The following METTL15 variants were observed in gnomAD, a reference collection of about 807,000 sequenced individuals.
METTL15 encodes the protein methyltransferase 15, mitochondrial 12S rRNA N4-cytidine.
Under a neutral mutation model 38.3 loss-of-function variants are expected in METTL15, and 34 were observed. The ratio of observed to expected loss-of-function variants is 0.89; its 90% CI spans 0.68 to 1.18. The LOEUF is 1.18. Among genes scored for constraint, METTL15 ranks in the 50% most tolerant of loss-of-function variants. METTL15 has a pLI of 0.00. For missense variants in METTL15, 438 were observed against 498.4 expected (o/e 0.88, Z 1.15); for synonymous variants, 162 against 170.9 (o/e 0.95, Z 0.41).
chr11:28,263,888 G>A (rs982559785), intron 4 of METTL15, among the ~76,000 whole-genome samples: 5 of 151,904 alleles, frequency 3.3e-5, no homozygotes, highest in South Asian at 2.1e-4. Flanking sequence ...TGCTATGAAC[G>A]TAACTTATTA....
chr11:28,263,595 A>G (rs765696595), intron 4 of METTL15, among the ~76,000 whole-genome samples: 5 of 152,044 alleles, frequency 3.3e-5, no homozygotes, highest in Non-Finnish European at 7.4e-5. Flanking sequence ...TCCATTAGAA[A>G]GATGTTTTTC....
chr11:28,471,871 A>C (rs1201016431), intron 6 of METTL15, among the ~76,000 whole-genome samples: 2 of 152,150 alleles, frequency 1.3e-5, no homozygotes, highest in Non-Finnish European at 2.9e-5. Flanking sequence ...CAGAGCAGAC[A>C]TCATTCTCTG....
At chr11:28,440,217 T>C (rs1004232784) in intron 6 of METTL15, among the ~76,000 whole-genome samples, 1 of 152,146 alleles carries the variant, frequency 6.6e-6, no homozygotes, top group African/African-American at 2.4e-5. Context: ...TTACTAGATA[T>C]AGAGGGAACT....
chr11:28,363,200 G>A (rs1850155554), intron 5 of METTL15, among the ~76,000 whole-genome samples: 1 of 151,672 alleles, frequency 6.6e-6, no homozygotes, highest in Admixed American at 6.6e-5. Context: ...TTGAGACAGA[G>A]CCTCACCCTA....
At chr11:28,430,617 C>T (rs1850913786) in intron 6 of METTL15, among the ~76,000 whole-genome samples, 1 of 55,546 alleles carries the variant, frequency 1.8e-5, no homozygotes, top group African/African-American at 7.0e-5. Context: ...AGCCCTCCGC[C>T]CGGCCAGCCA....
intron 6 of METTL15, among the ~76,000 whole-genome samples, chr11:28,499,766 A>T (rs1420407072): frequency 6.6e-6 from 1 of 152,080 alleles, no homozygotes; most frequent in Non-Finnish European, 1.5e-5. Context: ...AAGTACAGGG[A>T]CTCTCAAAAA....
At chr11:28,383,351 T>G (rs1247580524) in intron 5 of METTL15, among the ~76,000 whole-genome samples, 3 of 152,234 alleles carry the variant, frequency 2.0e-5, no homozygotes, top group African/African-American at 7.2e-5. Context: ...TTTATTTTCT[T>G]TATTCAGTTT....
intron 2 of METTL15, among the ~76,000 whole-genome samples, chr11:28,112,100 G>A (rs1565098789): frequency 6.6e-6 from 1 of 152,096 alleles, no homozygotes. Flanking sequence ...GTTTTATTAC[G>A]TGTGATCAGC....
chr11:28,408,223 T>C (rs1036281812), intron 5 of METTL15, among the ~76,000 whole-genome samples: 1 of 151,972 alleles, frequency 6.6e-6, no homozygotes, highest in African/African-American at 2.4e-5. Flanking sequence ...AATACTTCGG[T>C]GATGAGTTGA....
chr11:28,509,141 A>T (rs1432862219), intron 6 of METTL15, among the ~76,000 whole-genome samples: 2 of 152,224 alleles, frequency 1.3e-5, no homozygotes, highest in Non-Finnish European at 2.9e-5. Flanking sequence ...AGCATCATAG[A>T]GTTAAAATCA....
At position 28,157,898 on chromosome 11, in the gene METTL15, G is replaced by T. The variant is rs535855554; in HGVS notation, c.270+44294G>T. ...TTCACAGATAGTTCTGCACAATACC[G>T]AGGCACCACCTGAAAGTAGACAGCT... On this transcript the variant is annotated intron_variant, in intron 3 of 6. Transcript: ENST00000407364. Among the ~76,000 whole-genome samples, 3 of 152,090 alleles carry T rather than the reference G, an allele frequency of 2.0e-5. No individual in the cohort carries two copies. In the South Asian group the frequency reaches 6.2e-4, roughly 32 times the overall value.
chr11:28,458,540 A>C (rs1851189130), intron 6 of METTL15, among the ~76,000 whole-genome samples: 1 of 152,184 alleles, frequency 6.6e-6, no homozygotes, highest in African/African-American at 2.4e-5. Flanking sequence ...CACCTCTTTC[A>C]AGTCAAAATT....
Position 28,122,333 on chromosome 11 carries a change from ATGTGTGTGTGTGTG to A in METTL15, c.270+8755_270+8768del, listed in dbSNP as rs61147516. Among the ~76,000 whole-genome samples, 378 of 112,098 alleles carry A rather than the reference ATGTGTGTGTGTGTG, an allele frequency of 3.4e-3. 2 individuals carry two copies. Among genetic ancestry groups the A allele is most frequent in the African/African-American group, 0.013 (329 of 24,478 alleles). 73.5% of individuals were successfully genotyped at this position (112,098 alleles called of 152,430 possible). A position where few individuals can be genotyped will look rare whatever the true frequency, so the allele number is the denominator to read the frequency against. Reference sequence around the variant, plus strand: ...AATCCTAGTATATAGATGTGTGTATATGTGTGTGTGTGTGTGTGTGTGTGTGTGTGTGTGTGTGT... The same window carrying A: ...AATCCTAGTATATAGATGTGTGTATATGTGTGTGTGTGTGTGTGTGTGTGT... On this transcript the variant is annotated intron_variant, in intron 3 of 6. Coordinates refer to ENST00000407364, the MANE Select transcript of METTL15 (RefSeq NM_001113528.2).
intron 6 of METTL15, among the ~76,000 whole-genome samples, chr11:28,469,710 T>G (rs1287991567): frequency 1.3e-5 from 2 of 152,148 alleles, no homozygotes; most frequent in Non-Finnish European, 2.9e-5. Context: ...TAATAAACAC[T>G]ATGTTTGCTA....
Position 28,323,015 on chromosome 11 carries a change from G to A in METTL15, c.779-7381G>A, listed in dbSNP as rs1447518327. Among the ~76,000 whole-genome samples the A allele has an allele frequency of 7.9e-5, 12 of 152,016 alleles. No homozygotes were observed. The South Asian group carries it at 1.5e-3, about 18-fold the overall frequency. ...TTGTAGATTATTTTACAGATGATTC[G>A]TTTCTTATAAGTATATGTATATATA... On this transcript the variant is annotated intron_variant, in intron 6 of 6. Transcript: ENST00000407364.
At chr11:28,250,786 T>C (rs1369693597) in intron 4 of METTL15, among the ~76,000 whole-genome samples, 1 of 152,054 alleles carries the variant, frequency 6.6e-6, no homozygotes, top group Non-Finnish European at 1.5e-5. Context: ...TCTTCTCTCT[T>C]GTTATCAGTG....
chr11:28,525,530 T>G (rs1363756067), intron 6 of METTL15, among the ~76,000 whole-genome samples: 3 of 152,030 alleles, frequency 2.0e-5, no homozygotes, highest in Non-Finnish European at 4.4e-5. Context: ...ATAAAGGTTC[T>G]CCAAGTCCCC....
chr11:28,430,759 G>T (rs1308626392), intron 6 of METTL15, among the ~76,000 whole-genome samples: 101 of 111,610 alleles, frequency 9.0e-4, no homozygotes, highest in African/African-American at 3.3e-3. Flanking sequence ...CAGCCGCCCC[G>T]TCTGGGAGGT....
At chr11:28,380,677 T>C (rs1260824337) in intron 5 of METTL15, among the ~76,000 whole-genome samples, 1 of 152,204 alleles carries the variant, frequency 6.6e-6, no homozygotes, top group East Asian at 1.9e-4. Flanking sequence ...TGATCAGGCT[T>C]ATTAAAAGCA....
Sources: allele counts gnomAD v4.1 joint callset (sites outside exome capture counted in the v4.1 genomes callset), GRCh38; gene constraint gnomAD v4.1.1; transcripts MANE v1.5; gene names NCBI Gene and HGNC (gene_info 2026-07-23, HGNC 2026-07-21).